The following CNTNAP2 variants were observed in gnomAD, a reference collection of about 807,000 sequenced individuals.
CNTNAP2 encodes the protein contactin-associated protein-like 2.
A neutral mutation model predicts 155.2 loss-of-function variants in CNTNAP2; 98 were observed. The ratio of observed to expected loss-of-function variants is 0.63; its 90% confidence interval spans 0.54 to 0.75. The LOEUF (loss-of-function observed/expected upper bound fraction) is 0.75. Among genes scored for constraint, CNTNAP2 ranks in the 30% least tolerant of loss-of-function variants. The pLI is 0.00. For synonymous variants in CNTNAP2, 651 were observed against 631.2 expected, an observed-to-expected ratio of 1.03 and a Z score of -0.47; for missense variants, 1,727 against 1,688.1, an observed-to-expected ratio of 1.02 and a Z score of -0.40.
At chr7:147,588,128 T>C (rs1037982022) in intron 12 of CNTNAP2, among the ~76,000 whole-genome samples, 1 of 152,174 alleles carries the variant, frequency 6.6e-6, no homozygotes, top group Admixed American at 6.5e-5. Flanking sequence ...AAAGCTACTT[T>C]ATAAATTATG....
At chr7:147,886,941 G>A (rs1042327971) in intron 13 of CNTNAP2, among the ~76,000 whole-genome samples, 1 of 152,116 alleles carries the variant, frequency 6.6e-6, no homozygotes, top group Non-Finnish European at 1.5e-5. Context: ...TCCTTTTATA[G>A]TATGTTTTCC....
chr7:146,504,422 G>A (rs1797351984), intron 1 of CNTNAP2, among the ~76,000 whole-genome samples: 1 of 152,220 alleles, frequency 6.6e-6, no homozygotes, highest in South Asian at 2.1e-4. Context: ...TGTCAGGGAT[G>A]AAGGTACAAC....
intron 14 of CNTNAP2, among the ~76,000 whole-genome samples, chr7:147,923,797 C>G (rs1800329563): frequency 1.3e-5 from 2 of 152,018 alleles, no homozygotes. Context: ...TCCCAAAATA[C>G]TGGGATTACA....
chr7:147,170,653 C>G (rs1802208595), intron 8 of CNTNAP2, among the ~76,000 whole-genome samples: 2 of 152,164 alleles, frequency 1.3e-5, no homozygotes, highest in Admixed American at 1.3e-4. Context: ...AGGATCCAAC[C>G]CTGCAGTGCC....
chr7:147,773,376 C>T (rs540626903), intron 13 of CNTNAP2, among the ~76,000 whole-genome samples: 1 of 152,226 alleles, frequency 6.6e-6, no homozygotes, highest in South Asian at 2.1e-4. Context: ...GTGACTTACA[C>T]CTATAGCCCT....
chr7:147,836,853 T>C (rs1798642115), intron 13 of CNTNAP2, among the ~76,000 whole-genome samples: 1 of 152,240 alleles, frequency 6.6e-6, no homozygotes, highest in Non-Finnish European at 1.5e-5. Flanking sequence ...AAATTGAAAT[T>C]GTAGAAAAAT....
chr7:146,160,739 C>T (rs1798208021), intron 1 of CNTNAP2, among the ~76,000 whole-genome samples: 1 of 152,098 alleles, frequency 6.6e-6, no homozygotes, highest in Admixed American at 6.5e-5. Flanking sequence ...AAGTCCAGGA[C>T]CAGATGGATT....
At chr7:146,614,849 A>G (rs148239055) in intron 1 of CNTNAP2, among the ~76,000 whole-genome samples, 26 of 152,306 alleles carry the variant, frequency 1.7e-4, no homozygotes, top group Non-Finnish European at 3.1e-4. Flanking sequence ...GAATCGTGTC[A>G]TTACCGTATG....
intron 11 of CNTNAP2, among the ~76,000 whole-genome samples, chr7:147,500,323 G>C (rs956270051): frequency 6.6e-6 from 1 of 152,018 alleles, no homozygotes; most frequent in African/African-American, 2.4e-5. Flanking sequence ...AAACAGACCA[G>C]CCTGGTCTCT....
At chr7:146,340,424 T>G (rs561023371) in intron 1 of CNTNAP2, among the ~76,000 whole-genome samples, 6 of 151,698 alleles carry the variant, frequency 4.0e-5, no homozygotes, top group African/African-American at 1.2e-4. Context: ...GACCTTATTC[T>G]TATAATGAAA....
intron 18 of CNTNAP2, among the ~76,000 whole-genome samples, chr7:148,181,184 T>C (rs993767941): frequency 6.6e-6 from 1 of 152,170 alleles, no homozygotes; most frequent in Non-Finnish European, 1.5e-5. Flanking sequence ...GTCTCCACCA[T>C]GTAGAGGACG....
At chr7:146,569,919 G>T (rs1361685190) in intron 1 of CNTNAP2, among the ~76,000 whole-genome samples, 4 of 152,280 alleles carry the variant, frequency 2.6e-5, no homozygotes, top group South Asian at 2.1e-4. Flanking sequence ...AAAAGCCATT[G>T]TAGCTTTCTA....
chr7:148,022,753 C>G (rs1435778022), intron 15 of CNTNAP2, among the ~76,000 whole-genome samples: 5 of 152,010 alleles, frequency 3.3e-5, no homozygotes, highest in Non-Finnish European at 5.9e-5. Context: ...CTAATGCTCT[C>G]GTCTCCCTGG....
At chr7:148,209,931 T>C (rs529423704) in intron 18 of CNTNAP2, among the ~76,000 whole-genome samples, 2 of 152,224 alleles carry the variant, frequency 1.3e-5, no homozygotes, top group Non-Finnish European at 2.9e-5. Context: ...TTGCACATGC[T>C]CTTTTCTCTT....
At chr7:147,363,415 A>G (rs909082934) in intron 9 of CNTNAP2, among the ~76,000 whole-genome samples, 1 of 152,210 alleles carries the variant, frequency 6.6e-6, no homozygotes, top group South Asian at 2.1e-4. Flanking sequence ...CCTATTTGTA[A>G]AGAGAATGTG....
Position 147,057,350 on chromosome 7 carries a change from A to T in CNTNAP2, c.550+13296A>T, listed in dbSNP as rs536117631. ...TCACCTCATTTCTTCTATTTTTTTT[A>T]AAAATTATGCTGCTCTTTCTCTTTA... is the stretch of plus-strand genomic sequence containing the variant. On this transcript the variant is annotated intron_variant, in intron 4 of 23. Transcript: ENST00000361727. 3.2e-4 allele frequency among the ~76,000 whole-genome samples: 49 copies of T among 152,084 alleles called. No homozygotes were observed. The South Asian group carries it at 4.2e-3, about 13-fold the overall frequency.
At chr7:148,303,017 C>T (rs1197085503) in intron 21 of CNTNAP2, among the ~76,000 whole-genome samples, 1 of 151,870 alleles carries the variant, frequency 6.6e-6, no homozygotes, top group Admixed American at 6.6e-5. Context: ...CAGAGTTTCA[C>T]ATGTTGGCCA....
At chr7:147,141,672 C>T (rs1801601029) in intron 8 of CNTNAP2, among the ~76,000 whole-genome samples, 1 of 152,074 alleles carries the variant, frequency 6.6e-6, no homozygotes, top group Non-Finnish European at 1.5e-5. Flanking sequence ...TGGCCACTAC[C>T]TCTCATATTC....
In CNTNAP2 at chr7:146,448,253, C is replaced by T. The variant is rs530569674; in HGVS notation, c.98-326018C>T. On this transcript the variant is annotated intron_variant, in intron 1 of 23. Transcript: ENST00000361727. The stretch of plus-strand genomic sequence containing the variant: ...ATCCACATTTAGGGAAACCAAAACA[C>T]AGAAAAGTAATGACAATTTTCTAAG... 4.6e-5 allele frequency among the ~76,000 whole-genome samples: 7 copies of T among 152,082 alleles called. No homozygotes were observed. The South Asian group carries it at 1.2e-3, about 27-fold the overall frequency.
Sources: gnomAD v4.1 joint callset for allele counts (sites outside exome capture counted in the v4.1 genomes callset) on GRCh38, gnomAD v4.1.1 for gene constraint, MANE v1.5 for transcripts, NCBI Gene and HGNC (gene_info 2026-07-23, HGNC 2026-07-21) for gene names.